Variants in RNMT observed in about 807,000 individuals in gnomAD.
The protein encoded by RNMT is mRNA cap guanine-N(7) methyltransferase.
A neutral mutation model predicts 56.0 loss-of-function variants in RNMT; 27 were observed. The ratio of observed to expected loss-of-function variants is 0.48; its 90% CI spans 0.36 to 0.67. RNMT has a LOEUF of 0.67. RNMT is among the 30% of genes least tolerant of loss of function. The pLI, the probability that RNMT is intolerant of heterozygous loss-of-function variation, is 0.00. For missense variants in RNMT, 519 were observed against 552.1 expected, an observed-to-expected ratio of 0.94 and a Z score of 0.60; for synonymous variants, 184 against 176.2, an observed-to-expected ratio of 1.04 and a Z score of -0.35.
Position 13,760,428 on chromosome 18 carries a change from T to G in RNMT, c.*449T>G, listed in dbSNP as rs1038736970. 3 of 985,750 alleles carry G rather than the reference T, an allele frequency of 3.0e-6. No individual in the cohort carries two copies. The African/African-American group carries it at 5.2e-5, about 17-fold the overall frequency. The allele number at this position is 985,750 out of a possible 1,614,324, so 61.1% of individuals were successfully genotyped here. On this transcript the variant is annotated 3_prime_UTR_variant, in exon 12 of 12. Coordinates refer to ENST00000383314, the MANE Select transcript of RNMT (RefSeq NM_003799.3). The stretch of plus-strand genomic sequence containing the variant: ...TAGCATTTTTCAACATTTAATGGTC[T>G]GTACAGTTGAATGTAAGTGTTCAAT...
intron 8 of RNMT, 99 bp downstream of exon 8, chr18:13,742,751 G>T: frequency 1.1e-6 from 1 of 888,096 alleles, no homozygotes; most frequent in Non-Finnish European, 1.7e-6. Flanking sequence ...TTAAATGAGG[G>T]CTAAAGAAAA....
In RNMT at chr18:13,760,419, T is replaced by G; in HGVS notation, c.*440T>G. ...TTTGTTATATAGCATTTTTCAACAT[T>G]TAATGGTCTGTACAGTTGAATGTAA... On this transcript the variant is annotated 3_prime_UTR_variant, in exon 12 of 12. Coordinates refer to ENST00000383314, the MANE Select transcript of RNMT (RefSeq NM_003799.3). The G allele has an allele frequency of 1.0e-6, 1 of 989,232 alleles. No homozygotes were observed. 61.3% of individuals were successfully genotyped at this position (989,232 alleles called of 1,614,324 possible).
At chr18:13,753,326 G>T (rs1156463846) in intron 10 of RNMT, among the ~76,000 whole-genome samples, 1 of 152,100 alleles carries the variant, frequency 6.6e-6, no homozygotes, top group African/African-American at 2.4e-5. Context: ...TTAGCTGGAC[G>T]TGGTGACGGG....
At chr18:13,750,088 AGATACTAT>A (rs2044416437) in intron 9 of RNMT, among the ~76,000 whole-genome samples, 1 of 152,178 alleles carries the variant, frequency 6.6e-6, no homozygotes, top group African/African-American at 2.4e-5. Context: ...GGCAAAATGC[AGATACTAT>A]AAAGGGATAT....
intron 1 of RNMT, among the ~76,000 whole-genome samples, chr18:13,730,165 G>T (rs568782422): frequency 2.6e-5 from 4 of 152,182 alleles, no homozygotes; most frequent in Non-Finnish European, 5.9e-5. Context: ...CTTCTCCATA[G>T]TAGGAGGTCA....
chr18:13,740,026 C>T, intron 5 of RNMT, 141 bp from the exon 6 acceptor site: 1 of 631,210 alleles, frequency 1.6e-6, no homozygotes. Context: ...GAACAAAGCC[C>T]TTTTCTTTTC....
At chr18:13,738,161 A>G (rs931838031) in intron 5 of RNMT, among the ~76,000 whole-genome samples, 1 of 152,166 alleles carries the variant, frequency 6.6e-6, no homozygotes, top group African/African-American at 2.4e-5. Flanking sequence ...TTTTGGTTTT[A>G]TGAGCCCTGT....
chr18:13,729,821 G>A (rs1442466919), intron 1 of RNMT, among the ~76,000 whole-genome samples: 1 of 145,350 alleles, frequency 6.9e-6, no homozygotes, highest in Non-Finnish European at 1.5e-5. Context: ...TTTTTTTTAA[G>A]TGGGGTCTCA....
chr18:13,744,285 G>GA (rs916352265), intron 8 of RNMT, among the ~76,000 whole-genome samples: 58 of 150,270 alleles, frequency 3.9e-4, no homozygotes, highest in Non-Finnish European at 3.0e-4. Flanking sequence ...AATAGAATCT[G>GA]AAAATGTGTG....
At position 13,762,429 on chromosome 18, in the gene RNMT, C is replaced by T. The variant is rs1338102105; in HGVS notation, c.*2450C>T. 5.4e-6 allele frequency: 2 copies of T among 373,570 alleles called. No individual in the cohort carries two copies. Among genetic ancestry groups the T allele is most frequent in the Non-Finnish European group, 9.8e-6 (2 of 204,964 alleles). The allele number at this position is 373,570 out of a possible 1,614,324, so 23.1% of individuals were successfully genotyped here. ...TGAGAGTGACTCTGCAGAGTCACTG[C>T]ACCATCAGGCTTGGCCCTGCTGTGC... On this transcript the variant is annotated 3_prime_UTR_variant, in exon 12 of 12. Transcript: ENST00000383314.
rs201093998 is a variant in RNMT at position 13,744,159 on chromosome 18, C to CTTTTTTTTT, written c.1139+1525_1139+1533dup. 6.9e-3 allele frequency among the ~76,000 whole-genome samples: 633 copies of CTTTTTTTTT among 91,292 alleles called. 96 individuals carry two copies. The highest frequency in any genetic ancestry group is 0.013 in the Middle Eastern group (2 of 156). The allele number at this position is 91,292 out of a possible 152,430, so 59.9% of individuals were successfully genotyped here. On this transcript the variant is annotated intron_variant, in intron 8 of 11. Transcript: ENST00000383314. Reference sequence around the variant, plus strand: ...ATGCTAAACAAGACCTAGCGGTCTTCTTTTTTTTTTTTTTTTTTTTTTTTT... The same window carrying CTTTTTTTTT: ...ATGCTAAACAAGACCTAGCGGTCTTCTTTTTTTTTTTTTTTTTTTTTTTTTTTTTTTTTT...
rs562511222 is a variant in RNMT at position 13,760,693 on chromosome 18, C to G, written c.*714C>G. On this transcript the variant is annotated 3_prime_UTR_variant, in exon 12 of 12. Transcript: ENST00000383314. ...TCAAGATTGTGATTAGACACATTTA[C>G]CTTTCTTCATTGAACAAATGGTGCC... 7.2e-4 allele frequency: 709 copies of G among 985,214 alleles called. 1 individual carries two copies. The highest frequency in any genetic ancestry group is 8.3e-4 in the Non-Finnish European group (687 of 829,758). 61.0% of individuals were successfully genotyped at this position (985,214 alleles called of 1,614,324 possible).
At chr18:13,748,850 C>G (rs57986011) in intron 9 of RNMT, among the ~76,000 whole-genome samples, 2 of 152,180 alleles carry the variant, frequency 1.3e-5, no homozygotes, top group African/African-American at 4.8e-5. Context: ...GAGGCCAAGG[C>G]GGGCAGATAA....
intron 3 of RNMT, 134 bp from the exon 4 acceptor site, chr18:13,734,330 T>C: frequency 2.8e-6 from 2 of 703,510 alleles, no homozygotes; most frequent in South Asian, 2.3e-5. Context: ...GTGAGACTTC[T>C]GTGGTTAATT....
Position 13,731,903 on chromosome 18 carries a change from T to C in RNMT, c.386T>C (p.Ile129Thr), listed in dbSNP as rs368041400. 1.2e-6 allele frequency: 2 copies of C among 1,601,432 alleles called. No homozygotes were observed. Among genetic ancestry groups the C allele is most frequent in the Non-Finnish European group, 1.7e-6 (2 of 1,177,162 alleles). ...TGDGTQNKRK[I>T]ALEDVPEKQK... The stretch of plus-strand genomic sequence containing the variant: ...GATGGCACTCAAAATAAGAGAAAAA[T>C]AGCACTTGAGGATGTTCCTGAAAAG... Residue 129 changes from isoleucine to threonine, a missense_variant, in exon 3 of 12, where the codon ATA (isoleucine) becomes ACA (threonine). Coordinates refer to ENST00000383314, the MANE Select transcript of RNMT (RefSeq NM_003799.3).
intron 11 of RNMT, among the ~76,000 whole-genome samples, chr18:13,757,558 G>T (rs1225913826): frequency 6.6e-6 from 1 of 152,162 alleles, no homozygotes; most frequent in Non-Finnish European, 1.5e-5. Flanking sequence ...GTTCAAGTTT[G>T]ATCATGAGAT....
At chr18:13,747,131 A>G (rs1364383368) in intron 9 of RNMT, among the ~76,000 whole-genome samples, 1 of 152,220 alleles carries the variant, frequency 6.6e-6, no homozygotes, top group Non-Finnish European at 1.5e-5. Context: ...ATTCAGTTTA[A>G]GTACTTTAAG....
Position 13,761,583 on chromosome 18 carries a change from G to A in RNMT, c.*1604G>A, listed in dbSNP as rs1221561859. On this transcript the variant is annotated 3_prime_UTR_variant, in exon 12 of 12. Coordinates refer to ENST00000383314, the MANE Select transcript of RNMT (RefSeq NM_003799.3). ...GCCATGGGTAACTTGGGGGAGAGAAGAATCCTCCAAACGATGGAGTAGCCA... is the reference window on the plus strand; with the variant it reads ...GCCATGGGTAACTTGGGGGAGAGAAAAATCCTCCAAACGATGGAGTAGCCA... 1.0e-5 allele frequency: 10 copies of A among 992,410 alleles called. No individual in the cohort carries two copies. In the South Asian group the frequency reaches 3.6e-4, roughly 36 times the overall value. 61.5% of individuals were successfully genotyped at this position (992,410 alleles called of 1,614,324 possible).
intron 11 of RNMT, among the ~76,000 whole-genome samples, chr18:13,758,878 A>C (rs765974776): frequency 1.3e-5 from 2 of 152,100 alleles, no homozygotes; most frequent in Non-Finnish European, 2.9e-5. Context: ...TGTGGAGACC[A>C]TTGTAGGATT....
Sources: gnomAD v4.1 joint callset for allele counts (sites outside exome capture counted in the v4.1 genomes callset) on GRCh38, gnomAD v4.1.1 for gene constraint, MANE v1.5 for transcripts, NCBI Gene and HGNC (gene_info 2026-07-23, HGNC 2026-07-21) for gene names.